ZNF280C: variants seen among roughly 807,000 people sequenced by gnomAD.
The protein encoded by ZNF280C is suppressor of hairy wing homolog 3.
A neutral mutation model predicts 53.6 loss-of-function variants in ZNF280C; 14 were observed. The ratio of observed to expected loss-of-function variants is 0.26; its 90% CI spans 0.17 to 0.41. ZNF280C has a LOEUF of 0.41. Among genes scored for constraint, ZNF280C ranks in the 10% least tolerant of loss-of-function variants. The pLI, the probability that ZNF280C is intolerant of heterozygous loss-of-function variation, is 1.00. For synonymous variants in ZNF280C, 203 were observed against 181.1 expected (o/e 1.12, Z -0.97); for missense variants, 416 against 547.1 (o/e 0.76, Z 2.39).
At chrX:130,240,364 C>T (rs1335914426) in intron 5 of ZNF280C, among the ~76,000 whole-genome samples, 2 of 111,071 alleles carry the variant, frequency 1.8e-5, no homozygotes, top group Non-Finnish European at 3.8e-5. Context: ...AGTATATATT[C>T]TTCCCTGTCT....
At chrX:130,243,522 A>G (rs749432661) in intron 5 of ZNF280C, 41 bp downstream of exon 5, 2 of 1,175,580 alleles carry the variant, frequency 1.7e-6, no homozygotes, top group South Asian at 3.8e-5. Flanking sequence ...ATAATAGCCA[A>G]TGTGTCCCTG....
intron 8 of ZNF280C, among the ~76,000 whole-genome samples, chrX:130,232,723 T>C (rs1051082384): frequency 4.5e-5 from 5 of 112,183 alleles, no homozygotes; most frequent in African/African-American, 1.6e-4. Context: ...GGAACCATTT[T>C]ACACTGCTGA....
At chrX:130,233,012 ATAT>A (rs1449017146) in intron 8 of ZNF280C, among the ~76,000 whole-genome samples, 2 of 112,030 alleles carry the variant, frequency 1.8e-5, no homozygotes, top group African/African-American at 6.5e-5. Context: ...CACAAATGAA[ATAT>A]TATTCAGCCA....
intron 13 of ZNF280C, among the ~76,000 whole-genome samples, chrX:130,218,880 T>C (rs568536062): frequency 9.0e-6 from 1 of 111,501 alleles, no homozygotes; most frequent in South Asian, 3.8e-4. Context: ...GTATCATTAT[T>C]ATCAATATTA....
At chrX:130,223,188 C>T (rs748132380) in intron 12 of ZNF280C, among the ~76,000 whole-genome samples, 1 of 110,914 alleles carries the variant, frequency 9.0e-6, no homozygotes, top group East Asian at 2.8e-4. Flanking sequence ...CTACGAGTAG[C>T]TGGGATTACA....
intron 12 of ZNF280C, among the ~76,000 whole-genome samples, chrX:130,222,276 CCA>C (rs59694150): frequency 0.15 from 10,182 of 69,684 alleles, 669 homozygotes; most frequent in South Asian, 0.18. Context: ...CATTCAGACA[CCA>C]CACACACACA....
At chrX:130,233,622 C>CAA (rs35420272) in intron 8 of ZNF280C, among the ~76,000 whole-genome samples, 4 of 52,790 alleles carry the variant, frequency 7.6e-5, no homozygotes, top group South Asian at 1.0e-3. Flanking sequence ...AACTCTGTCT[C>CAA]AAAAAAAAAA....
intron 3 of ZNF280C, among the ~76,000 whole-genome samples, chrX:130,246,600 C>T (rs186067571): frequency 8.8e-4 from 99 of 112,218 alleles, no homozygotes; most frequent in African/African-American, 3.2e-3. Context: ...GCTTACAATG[C>T]TGTTCAGGTC....
At chrX:130,260,381 C>A in intron 2 of ZNF280C, 38 bp downstream of exon 2, 1 of 1,155,180 alleles carries the variant, frequency 8.7e-7, no homozygotes, top group South Asian at 2.0e-5. Flanking sequence ...AGTACAAAAA[C>A]CATGCCTATT....
intron 12 of ZNF280C, among the ~76,000 whole-genome samples, chrX:130,224,262 C>T (rs2032198319): frequency 8.9e-6 from 1 of 111,818 alleles, no homozygotes; most frequent in African/African-American, 3.2e-5. Context: ...GAGAATATGG[C>T]CATCTATGAA....
intron 12 of ZNF280C, among the ~76,000 whole-genome samples, chrX:130,224,961 G>T (rs1192187261): frequency 9.0e-6 from 1 of 111,684 alleles, no homozygotes; most frequent in African/African-American, 3.3e-5. Context: ...CCAAGATTTA[G>T]CCAAGGGCCA....
intron 2 of ZNF280C, among the ~76,000 whole-genome samples, chrX:130,250,500 C>A (rs2032495916): frequency 1.8e-5 from 2 of 111,931 alleles, no homozygotes; most frequent in South Asian, 7.4e-4. Context: ...ATATTATGAA[C>A]ACCTCTATGC....
At chrX:130,214,110 T>G (rs781376214) in intron 15 of ZNF280C, among the ~76,000 whole-genome samples, 2 of 111,813 alleles carry the variant, frequency 1.8e-5, no homozygotes, top group Non-Finnish European at 3.8e-5. Flanking sequence ...AGTTGTATCT[T>G]ATTTCTAACT....
rs1265497810 is a variant in ZNF280C, at chrX:130,208,318, C to T, written c.2042+1335G>A. On this transcript the variant is annotated intron_variant, in intron 16 of 18. Transcript: ENST00000370978. Reference sequence around the variant, plus strand: ...CGAATTTTTGTATTTTTAGTAGAGACGGGGTTTCACCATGTTGGCCAGGCT... The same window carrying T: ...CGAATTTTTGTATTTTTAGTAGAGATGGGGTTTCACCATGTTGGCCAGGCT... Among the ~76,000 whole-genome samples, 6 of 110,955 alleles carry T rather than the reference C, an allele frequency of 5.4e-5. No individual in the cohort carries two copies. In the East Asian group the frequency reaches 1.1e-3, roughly 21 times the overall value.
chrX:130,226,130 AAAGT>A (rs1274516369), intron 12 of ZNF280C, among the ~76,000 whole-genome samples: 3 of 112,481 alleles, frequency 2.7e-5, no homozygotes, highest in Admixed American at 9.4e-5. Flanking sequence ...CAAAAGTCAC[AAAGT>A]AAGTAAGTTA....
chrX:130,256,486 A>G (rs1255732692), intron 2 of ZNF280C, among the ~76,000 whole-genome samples: 1 of 111,304 alleles, frequency 9.0e-6, no homozygotes, highest in Non-Finnish European at 1.9e-5. Flanking sequence ...CGGGAGGCAG[A>G]GGCAGAGGCA....
intron 1 of ZNF280C, among the ~76,000 whole-genome samples, chrX:130,263,793 G>A (rs1223400922): frequency 9.0e-6 from 1 of 110,901 alleles, no homozygotes; most frequent in Non-Finnish European, 1.9e-5. Flanking sequence ...TTGGGAGGCA[G>A]AGGCAGGTGC....
intron 10 of ZNF280C, among the ~76,000 whole-genome samples, chrX:130,228,624 T>C (rs2032246456): frequency 2.2e-5 from 2 of 89,578 alleles, no homozygotes; most frequent in Non-Finnish European, 4.3e-5. Context: ...CTACTTTTTT[T>C]TTTTTTTTTT....
In ZNF280C at chrX:130,209,636, A is replaced by G; in HGVS notation, c.2042+17T>C. The G allele has an allele frequency of 1.7e-6, 2 of 1,190,270 alleles. No homozygotes were observed. Among genetic ancestry groups the G allele is most frequent in the Non-Finnish European group, 2.3e-6 (2 of 879,361 alleles). ...GCAATATTTCAATTGAAAGAAAAAA[A>G]AAAGATCAATGATTACCTGAGAGTT... is the stretch of plus-strand genomic sequence containing the variant. On this transcript the variant is annotated intron_variant, in intron 16 of 18. Transcript: ENST00000370978.
Sources: gnomAD v4.1 joint callset for allele counts (sites outside exome capture counted in the v4.1 genomes callset) on GRCh38, gnomAD v4.1.1 for gene constraint, MANE v1.5 for transcripts, NCBI Gene and HGNC (gene_info 2026-07-23, HGNC 2026-07-21) for gene names.